The following ZNF345 variants were observed in gnomAD, a reference collection of about 807,000 sequenced individuals.
ZNF345 encodes the protein zinc finger protein 345.
For missense variants in ZNF345, 527 were observed against 589.9 expected (o/e 0.89, Z 1.10); for synonymous variants, 166 against 187.9 (o/e 0.88, Z 0.95).
intron 2 of ZNF345, among the ~76,000 whole-genome samples, chr19:36,853,500 A>G (rs2072335698): frequency 6.6e-6 from 1 of 152,106 alleles, no homozygotes; most frequent in African/African-American, 2.4e-5. Context: ...CAGCCTTCCA[A>G]AGTGCTGGGA....
intron 2 of ZNF345, among the ~76,000 whole-genome samples, chr19:36,859,408 A>T (rs2072495690): frequency 6.6e-6 from 1 of 151,948 alleles, no homozygotes; most frequent in African/African-American, 2.4e-5. Flanking sequence ...CTCCTGCCTC[A>T]GCCTCCCAAA....
chr19:36,864,673 T>C (rs1193061684), intron 2 of ZNF345, among the ~76,000 whole-genome samples: 1 of 152,142 alleles, frequency 6.6e-6, no homozygotes. Flanking sequence ...GGTAAAGGGC[T>C]GGGACTAAGA....
downstream of ZNF345, among the ~76,000 whole-genome samples, chr19:36,881,720 T>C (rs2072969567): frequency 6.6e-6 from 1 of 152,092 alleles, no homozygotes; most frequent in African/African-American, 2.4e-5. Context: ...TAACATGAAA[T>C]CTTAAGATGC....
intron 2 of ZNF345, among the ~76,000 whole-genome samples, chr19:36,852,128 C>CTTTTTTTTTTTT (rs35747733): frequency 9.7e-6 from 1 of 102,704 alleles, no homozygotes; most frequent in Non-Finnish European, 1.9e-5. Context: ...TTCTTTCTTT[C>CTTTTTTTTTTTT]TTTTTTTTTT....
intron 2 of ZNF345, among the ~76,000 whole-genome samples, chr19:36,869,748 C>T (rs1333103437): frequency 6.6e-6 from 1 of 151,118 alleles, no homozygotes; most frequent in African/African-American, 2.4e-5. Context: ...GGTTTCTTTT[C>T]TCTTGGATCA....
At chr19:36,860,182 C>A (rs944717551) in intron 2 of ZNF345, among the ~76,000 whole-genome samples, 1 of 152,158 alleles carries the variant, frequency 6.6e-6, no homozygotes. Context: ...TGGTCTCAAT[C>A]TCCTGACCTC....
downstream of ZNF345, among the ~76,000 whole-genome samples, chr19:36,881,192 A>G (rs956095167): frequency 5.3e-5 from 8 of 152,178 alleles, no homozygotes; most frequent in Non-Finnish European, 7.4e-5. Context: ...AATATCTGAA[A>G]TGCTCCAAAT....
At chr19:36,867,396 T>G (rs2072681559) in intron 2 of ZNF345, among the ~76,000 whole-genome samples, 1 of 152,240 alleles carries the variant, frequency 6.6e-6, no homozygotes, top group African/African-American at 2.4e-5. Flanking sequence ...TTAGTATAAA[T>G]TCAGTGGTAT....
chr19:36,888,103 C>T (rs1171208635), intron 3 of ZNF345: 1 of 151,876 alleles, frequency 6.6e-6, no homozygotes, highest in Non-Finnish European at 1.5e-5. Flanking sequence ...AATTTGTAAT[C>T]AGTAAAGATG....
intron 2 of ZNF345, among the ~76,000 whole-genome samples, chr19:36,870,594 A>G (rs530107234): frequency 4.6e-5 from 7 of 152,252 alleles, no homozygotes; most frequent in African/African-American, 1.7e-4. Context: ...CACTATATTG[A>G]TTCTTTGGCA....
chr19:36,891,740 G>T (rs1259333208), intron 3 of ZNF345: 1 of 1,614,012 alleles, frequency 6.2e-7, no homozygotes, highest in Non-Finnish European at 8.5e-7. Flanking sequence ...CATTCATAGA[G>T]CTTCTCACCA....
chr19:36,883,436 G>T (rs1009403036), downstream of ZNF345, among the ~76,000 whole-genome samples: 4 of 152,250 alleles, frequency 2.6e-5, no homozygotes, highest in South Asian at 2.1e-4. Context: ...ACCCCCGTGG[G>T]TTTGTTTCCC....
intron 2 of ZNF345, among the ~76,000 whole-genome samples, chr19:36,859,389 C>G (rs893454589): frequency 1.3e-5 from 2 of 152,056 alleles, no homozygotes; most frequent in Non-Finnish European, 1.5e-5. Context: ...CTCCTGACCT[C>G]AAGTGATCCT....
chr19:36,887,214 A>G (rs912419592), intron 3 of ZNF345, among the ~76,000 whole-genome samples: 2 of 152,084 alleles, frequency 1.3e-5, no homozygotes, highest in Non-Finnish European at 2.9e-5. Context: ...AACAAAAAAA[A>G]CAAGGAAGAA....
chr19:36,861,661 AG>A (rs1353717409), intron 2 of ZNF345, among the ~76,000 whole-genome samples: 1 of 151,760 alleles, frequency 6.6e-6, no homozygotes, highest in Non-Finnish European at 1.5e-5. Flanking sequence ...CCTGGGTTCA[AG>A]TGATCCTCTT....
intron 2 of ZNF345, among the ~76,000 whole-genome samples, chr19:36,863,524 G>T: frequency 6.6e-6 from 1 of 152,152 alleles, no homozygotes; most frequent in East Asian, 1.9e-4. Context: ...CAAATTTCAG[G>T]TTCCTATTCT....
chr19:36,860,269 T>C (rs1200076702), intron 2 of ZNF345, among the ~76,000 whole-genome samples: 2 of 152,198 alleles, frequency 1.3e-5, no homozygotes, highest in African/African-American at 4.8e-5. Flanking sequence ...GTTGCAGATA[T>C]TTTGCCCCTT....
At chr19:36,861,466 C>G (rs1023108237) in intron 2 of ZNF345, among the ~76,000 whole-genome samples, 2 of 152,206 alleles carry the variant, frequency 1.3e-5, no homozygotes, top group Non-Finnish European at 2.9e-5. Flanking sequence ...TTTATACATA[C>G]AGAATGTGAG....
In ZNF345 at chr19:36,889,465, A is replaced by G. The variant is rs1347614189; in HGVS notation, c.47-3353A>G. The G allele has an allele frequency of 2.0e-5, 3 of 152,076 alleles. No individual in the cohort carries two copies. The East Asian group carries it at 5.8e-4, about 29-fold the overall frequency. The allele number at this position is 152,076 out of a possible 1,614,324, so 9.4% of individuals were successfully genotyped here. A position where few individuals can be genotyped will look rare whatever the true frequency, so the allele number is the denominator to read the frequency against. On this transcript the variant is annotated intron_variant, in intron 3 of 3. Transcript: ENST00000526123. ...AAGATTTTTTTCTATTACTGATTCA[A>G]TTTCAATACTCAGTAGTCTGTTGAG...
Sources: allele counts gnomAD v4.1 joint callset (sites outside exome capture counted in the v4.1 genomes callset), GRCh38; gene constraint gnomAD v4.1.1; transcripts MANE v1.5; gene names NCBI Gene and HGNC (gene_info 2026-07-23, HGNC 2026-07-21).